Variants in SPMIP11 observed in about 807,000 individuals in gnomAD.
SPMIP11 encodes sperm microtubule inner protein 11.
chr12:48,748,928 A>G, the SPMIP11 span, among the ~76,000 whole-genome samples: 1 of 152,068 alleles, frequency 6.6e-6, no homozygotes, highest in Non-Finnish European at 1.5e-5. Context: ...ACACCACTCC[A>G]ATAATTCTTC....
the SPMIP11 span, chr12:48,764,731 C>T: frequency 1.4e-4 from 88 of 617,292 alleles, no homozygotes; most frequent in African/African-American, 1.3e-3. Context: ...CAGGACCTCT[C>T]AGCACCTGGT....
the SPMIP11 span, among the ~76,000 whole-genome samples, chr12:48,751,336 A>G: frequency 6.6e-6 from 1 of 152,204 alleles, no homozygotes; most frequent in Non-Finnish European, 1.5e-5. Flanking sequence ...AGTTTAAGCC[A>G]GGTGCAGTGG....
the SPMIP11 span, among the ~76,000 whole-genome samples, chr12:48,732,573 C>G: frequency 3.3e-5 from 5 of 150,762 alleles, no homozygotes; most frequent in Admixed American, 3.3e-4. Context: ...AGTTCGAGAC[C>G]ATCCTGGCCA....
At chr12:48,763,080 T>C in the SPMIP11 span, among the ~76,000 whole-genome samples, 5 of 152,082 alleles carry the variant, frequency 3.3e-5, no homozygotes, top group Non-Finnish European at 7.4e-5. Flanking sequence ...AAAATTAAAG[T>C]TTAAAACCTA....
At chr12:48,732,549 C>T in the SPMIP11 span, among the ~76,000 whole-genome samples, 3 of 150,552 alleles carry the variant, frequency 2.0e-5, no homozygotes, top group Non-Finnish European at 4.4e-5. Flanking sequence ...GCGGGCAGAT[C>T]TCCTGAGGTC....
At chr12:48,765,169 G>A in the SPMIP11 span, among the ~76,000 whole-genome samples, 40 of 152,192 alleles carry the variant, frequency 2.6e-4, no homozygotes, top group African/African-American at 9.2e-4. Context: ...AGGAGTTAGA[G>A]ATTTGTCTGT....
At chr12:48,749,116 G>C in the SPMIP11 span, among the ~76,000 whole-genome samples, 12 of 151,794 alleles carry the variant, frequency 7.9e-5, no homozygotes, top group African/African-American at 2.9e-4. Flanking sequence ...ACAAAAATTA[G>C]CTGGGCGTGG....
chr12:48,748,635 TC>T, the SPMIP11 span, among the ~76,000 whole-genome samples: 1 of 152,140 alleles, frequency 6.6e-6, no homozygotes, highest in East Asian at 1.9e-4. Context: ...CCATTCACTC[TC>T]CTAGTCTCCT....
the SPMIP11 span, chr12:48,768,971 C>T: frequency 1.2e-6 from 2 of 1,614,050 alleles, no homozygotes; most frequent in Non-Finnish European, 1.7e-6. Flanking sequence ...GCTGTCCATA[C>T]GACTAGAGAC....
the SPMIP11 span, among the ~76,000 whole-genome samples, chr12:48,755,875 C>CTT: frequency 2.5e-4 from 25 of 101,594 alleles, no homozygotes; most frequent in African/African-American, 5.0e-4. Flanking sequence ...CAGTTTCTTT[C>CTT]TTTTTTTTTT....
the SPMIP11 span, chr12:48,767,683 T>A: frequency 6.6e-6 from 1 of 152,512 alleles, no homozygotes; most frequent in Admixed American, 6.6e-5. Flanking sequence ...CATGCCCCCT[T>A]GTCAGCAGAC....
At chr12:48,765,849 G>C in the SPMIP11 span, 1 of 576,212 alleles carries the variant, frequency 1.7e-6, no homozygotes, top group Non-Finnish European at 3.1e-6. Context: ...CCAGTGTCCA[G>C]ATTGTTGTGA....
At chr12:48,761,272 C>T in the SPMIP11 span, among the ~76,000 whole-genome samples, 15 of 151,846 alleles carry the variant, frequency 9.9e-5, no homozygotes, top group Non-Finnish European at 1.8e-4. Context: ...CATGGCGAAA[C>T]CCCATCTCAA....
At chr12:48,768,421 C>T in the SPMIP11 span, 1 of 951,656 alleles carries the variant, frequency 1.1e-6, no homozygotes, top group East Asian at 2.6e-5. Flanking sequence ...CCTTGTTTTC[C>T]AGCTTGAGGG....
At chr12:48,750,062 C>T in the SPMIP11 span, among the ~76,000 whole-genome samples, 4 of 151,118 alleles carry the variant, frequency 2.6e-5, no homozygotes, top group African/African-American at 9.7e-5. Flanking sequence ...ACCATTAAAA[C>T]TGCTTCAGGC....
chr12:48,766,873 G>C, the SPMIP11 span: 18 of 152,438 alleles, frequency 1.2e-4, no homozygotes, highest in African/African-American at 4.3e-4. Context: ...TACAGACAGA[G>C]AAACTGAGGC....
the SPMIP11 span, chr12:48,769,031 A>C: frequency 6.2e-7 from 1 of 1,613,100 alleles, no homozygotes; most frequent in Non-Finnish European, 8.5e-7. Flanking sequence ...AGCCCCGATG[A>C]CACCTGCCAC....
the SPMIP11 span, chr12:48,759,400 G>A: frequency 2.9e-6 from 2 of 691,524 alleles, no homozygotes; most frequent in Admixed American, 2.0e-5. Context: ...AAGAATGGCT[G>A]GGATGAGGCC....
At chr12:48,761,888 C>CT in the SPMIP11 span, among the ~76,000 whole-genome samples, 190 of 135,740 alleles carry the variant, frequency 1.4e-3, no homozygotes, top group Middle Eastern at 3.8e-3. Context: ...ATGCCCAGCT[C>CT]TTTTTTTTTT....
Sources: gnomAD v4.1 joint callset for allele counts (sites outside exome capture counted in the v4.1 genomes callset) on GRCh38, gnomAD v4.1.1 for gene constraint, MANE v1.5 for transcripts, NCBI Gene and HGNC (gene_info 2026-07-23, HGNC 2026-07-21) for gene names.